Variants in ALOX15B observed in about 807,000 individuals in gnomAD.
The protein encoded by ALOX15B is polyunsaturated fatty acid lipoxygenase ALOX15B.
In ALOX15B, 74 loss-of-function variants were observed where a neutral mutation model predicts 73.8. That is an observed-to-expected ratio of 1.00 (90% CI 0.83 to 1.22). ALOX15B has a LOEUF of 1.22. ALOX15B is among the 50% of genes most tolerant of loss of function. ALOX15B has a pLI of 0.00. For synonymous variants in ALOX15B, 353 were observed against 357.2 expected, an observed-to-expected ratio of 0.99 and a Z score of 0.13; for missense variants, 896 against 859.9, an observed-to-expected ratio of 1.04 and a Z score of -0.52.
chr17:8,046,687 G>C lies in ALOX15B; in HGVS notation c.1220G>C (p.Arg407Pro). 6.2e-7 allele frequency: 1 copy of C among 1,613,834 alleles called. No individual in the cohort carries two copies. ...PLFKLLIPHT[R>P]YTLHINTLAR... ...ATGCAGCTGCTGATCCCGCACACCC[G>C]ATACACCCTGCACATCAACACACTC... Residue 407 changes from arginine to proline, a missense_variant, in exon 9 of 14, where the codon CGA becomes CCA. Coordinates refer to ENST00000380183, the MANE Select transcript of ALOX15B (RefSeq NM_001141.3).
chr17:8,048,101 C>T (rs540570975), intron 13 of ALOX15B, among the ~76,000 whole-genome samples, 186 bp downstream of exon 13: 3 of 152,296 alleles, frequency 2.0e-5, no homozygotes, highest in East Asian at 3.9e-4. Context: ...TGCGATGATG[C>T]GGAGCCACTC....
At chr17:8,046,005 T>G (rs916270988) in intron 8 of ALOX15B, among the ~76,000 whole-genome samples, 4 of 150,858 alleles carry the variant, frequency 2.7e-5, no homozygotes, top group African/African-American at 7.3e-5. Flanking sequence ...GACCAACAAG[T>G]TCTCTGCAGA....
Position 8,048,380 on chromosome 17 carries a change from C to A in ALOX15B, c.1852-6C>A, listed in dbSNP as rs758567745. 7 of 1,608,490 alleles carry A rather than the reference C, an allele frequency of 4.4e-6. No homozygotes were observed. Among genetic ancestry groups the A allele is most frequent in the Non-Finnish European group, 4.2e-6 (5 of 1,176,780 alleles). On this transcript the variant is annotated splice_region_variant and splice_polypyrimidine_tract_variant and intron_variant, in intron 13 of 13. Coordinates refer to ENST00000380183, the MANE Select transcript of ALOX15B (RefSeq NM_001141.3). ...CGCCTCACCCAACCTTGTGGTGGAT[C>A]CTCAGAGGCCCCTGGGCACCTATCC...
chr17:8,045,152 C>A, intron 6 of ALOX15B, 86 bp from the exon 7 acceptor site: 1 of 1,602,516 alleles, frequency 6.2e-7, no homozygotes, highest in South Asian at 1.1e-5. Context: ...CACTCCTCTC[C>A]CAGCCCTGAA....
chr17:8,048,762 A>C lies in ALOX15B; in HGVS notation c.*197A>C. On this transcript the variant is annotated 3_prime_UTR_variant, in exon 14 of 14. Transcript: ENST00000380183. The stretch of plus-strand genomic sequence containing the variant: ...CAAAATCAAAACAGAGAAAGCAGAA[A>C]ATCTACCAAGAACAGAGTCTCAGGA... The C allele has an allele frequency of 3.4e-6, 2 of 580,166 alleles. No individual in the cohort carries two copies. The highest frequency in any genetic ancestry group is 5.7e-6 in the Non-Finnish European group (2 of 348,852). The allele number at this position is 580,166 out of a possible 1,614,324, so 35.9% of individuals were successfully genotyped here. A position where few individuals can be genotyped will look rare whatever the true frequency, so the allele number is the denominator to read the frequency against.
rs762622579 is a variant in ALOX15B, at chr17:8,047,086, C to T, written c.1457+10C>T. 7.4e-6 allele frequency: 12 copies of T among 1,613,010 alleles called. No homozygotes were observed. Among genetic ancestry groups the T allele is most frequent in the South Asian group, 2.2e-5 (2 of 91,042 alleles). On this transcript the variant is annotated intron_variant, in intron 10 of 13. Coordinates refer to ENST00000380183, the MANE Select transcript of ALOX15B (RefSeq NM_001141.3). ...GGGGTGCAGTGGAACGGTGAGGGGC[C>T]GTCCCTGGAGAGCCGAGGGCTGGTC...
chr17:8,044,293 G>A (rs1976544359), intron 5 of ALOX15B, among the ~76,000 whole-genome samples: 1 of 151,948 alleles, frequency 6.6e-6, no homozygotes, highest in Admixed American at 6.6e-5. Flanking sequence ...ATGCTGGTGT[G>A]TGCCTGTAAT....
In ALOX15B at chr17:8,042,861, A is replaced by G. The variant is rs750713821; in HGVS notation, c.653A>G (p.Asn218Ser). 1.9e-6 allele frequency: 3 copies of G among 1,553,842 alleles called. No individual in the cohort carries two copies. Among genetic ancestry groups the G allele is most frequent in the African/African-American group, 2.7e-5 (2 of 73,432 alleles). The stretch of plus-strand genomic sequence containing the variant: ...CTGAATGAGATGAAAAGGATCTTCA[A>G]CTTCCGGAGGACCCCAGCAGCTGGT... ...RSLNEMKRIF[N>S]FRRTPAAEHA... Residue 218 changes from asparagine (N) to serine (S), a missense_variant, in exon 5 of 14, where the codon AAC becomes AGC. Coordinates refer to ENST00000380183, the MANE Select transcript of ALOX15B (RefSeq NM_001141.3).
intron 5 of ALOX15B, among the ~76,000 whole-genome samples, chr17:8,043,939 T>C (rs1976528645): frequency 1.3e-5 from 2 of 152,042 alleles, no homozygotes; most frequent in African/African-American, 2.4e-5. Flanking sequence ...TGTGGTGGCA[T>C]GGGCCTGTAG....
Position 8,046,581 on chromosome 17 carries a change from C to A in ALOX15B, c.1201-87C>A. Reference sequence around the variant, plus strand: ...ATTCTTGTTGCCTCTTTCCAAGTGACTTGCAGGGCTGGTGCCTGTGTGGGG... The same window carrying A: ...ATTCTTGTTGCCTCTTTCCAAGTGAATTGCAGGGCTGGTGCCTGTGTGGGG... On this transcript the variant is annotated intron_variant, in intron 8 of 13. Coordinates refer to ENST00000380183, the MANE Select transcript of ALOX15B (RefSeq NM_001141.3). 4 of 1,376,142 alleles carry A rather than the reference C, an allele frequency of 2.9e-6. No homozygotes were observed. In the South Asian group the frequency reaches 5.0e-5, roughly 17 times the overall value. The allele number at this position is 1,376,142 out of a possible 1,614,324, so 85.2% of individuals were successfully genotyped here. A position where few individuals can be genotyped will look rare whatever the true frequency, so the allele number is the denominator to read the frequency against.
intron 6 of ALOX15B, 106 bp downstream of exon 6, chr17:8,045,107 C>T (rs73972653): frequency 0.03 from 47,140 of 1,581,932 alleles, 3,240 homozygotes; most frequent in African/African-American, 0.26. Flanking sequence ...AGGGACCTAC[C>T]GCGTGCTGCG....
chr17:8,047,210 A>G, intron 10 of ALOX15B, 48 bp from the exon 11 acceptor site: 1 of 1,612,490 alleles, frequency 6.2e-7, no homozygotes, highest in Non-Finnish European at 8.5e-7. Flanking sequence ...GGCATTCCTC[A>G]GAGCGGGTCG....
chr17:8,042,390 T>C lies in ALOX15B; in HGVS notation c.471T>C (p.Gly157=), dbSNP rs1246177416. Residue 157 remains glycine (G), a synonymous_variant, in exon 4 of 14, where the codon GGT becomes GGC. Coordinates refer to ENST00000380183, the MANE Select transcript of ALOX15B (RefSeq NM_001141.3). ...CCAGGTGGAAGGCTTACAACCCAGGTTGGCCTCACTGCCTGGATGAAAAGA... is the reference window on the plus strand; with the variant it reads ...CCAGGTGGAAGGCTTACAACCCAGGCTGGCCTCACTGCCTGGATGAAAAGA... ...EMYQWKAYNP[G]WPHCLDEKTV... 6.8e-6 allele frequency: 11 copies of C among 1,613,968 alleles called. No individual in the cohort carries two copies. The highest frequency in any genetic ancestry group is 8.5e-6 in the Non-Finnish European group (10 of 1,180,034).
chr17:8,048,101 C>G (rs540570975), intron 13 of ALOX15B, among the ~76,000 whole-genome samples, 186 bp downstream of exon 13: 1 of 152,178 alleles, frequency 6.6e-6, no homozygotes, highest in South Asian at 2.1e-4. Context: ...TGCGATGATG[C>G]GGAGCCACTC....
At position 8,048,568 on chromosome 17, in the gene ALOX15B, C is replaced by T. The variant is rs1312668550; in HGVS notation, c.*3C>T. 1.2e-6 allele frequency: 2 copies of T among 1,612,554 alleles called. No homozygotes were observed. Among genetic ancestry groups the T allele is most frequent in the Non-Finnish European group, 1.7e-6 (2 of 1,179,040 alleles). ...TCGAGAACAGCGTCTCCATCTAAAT[C>T]CCAGGGGAACACAGGCCCAGATGAC... is the stretch of plus-strand genomic sequence containing the variant. On this transcript the variant is annotated 3_prime_UTR_variant, in exon 14 of 14. Coordinates refer to ENST00000380183, the MANE Select transcript of ALOX15B (RefSeq NM_001141.3).
rs950593490 is a variant in ALOX15B at position 8,044,700 on chromosome 17, C to T, written c.677-129C>T. The T allele has an allele frequency of 4.6e-5, 36 of 791,168 alleles. No homozygotes were observed. The African/African-American group carries it at 6.1e-4, about 13-fold the overall frequency. 49.0% of individuals were successfully genotyped at this position (791,168 alleles called of 1,614,324 possible). Reference sequence around the variant, plus strand: ...TGAAGACAAGGGGCAGGGGAGGTAACTCTGAGGACACACTGTGAAGATTAG... The same window carrying T: ...TGAAGACAAGGGGCAGGGGAGGTAATTCTGAGGACACACTGTGAAGATTAG... On this transcript the variant is annotated intron_variant, in intron 5 of 13. Transcript: ENST00000380183.
rs563937125 is a variant in ALOX15B, at chr17:8,047,118, G to A, written c.1457+42G>A. 4.3e-5 allele frequency: 70 copies of A among 1,611,608 alleles called. No homozygotes were observed. In the East Asian group the frequency reaches 4.9e-4, roughly 11 times the overall value. ...GGAGAGCCGAGGGCTGGTCGGGGACGTGGGAAGACAGGAAAGGAGACTGAG... is the reference window on the plus strand; with the variant it reads ...GGAGAGCCGAGGGCTGGTCGGGGACATGGGAAGACAGGAAAGGAGACTGAG... On this transcript the variant is annotated intron_variant, in intron 10 of 13. Coordinates refer to ENST00000380183, the MANE Select transcript of ALOX15B (RefSeq NM_001141.3).
At chr17:8,040,753 T>C (rs921013921) in intron 3 of ALOX15B, among the ~76,000 whole-genome samples, 4 of 152,130 alleles carry the variant, frequency 2.6e-5, no homozygotes, top group African/African-American at 9.7e-5. Flanking sequence ...CTCCCAGAAA[T>C]CTGAGTAGAG....
chr17:8,039,660 C>T, intron 2 of ALOX15B, 55 bp downstream of exon 2: 2 of 770,972 alleles, frequency 2.6e-6, no homozygotes, highest in Non-Finnish European at 4.1e-6. Context: ...GGGTAGGGGA[C>T]TGGGGGTTGG....
Sources: allele counts gnomAD v4.1 joint callset (sites outside exome capture counted in the v4.1 genomes callset), GRCh38; gene constraint gnomAD v4.1.1; transcripts MANE v1.5; gene names NCBI Gene and HGNC (gene_info 2026-07-23, HGNC 2026-07-21).